The following HSH2D variants were observed in gnomAD, a reference collection of about 807,000 sequenced individuals.
HSH2D encodes hematopoietic SH2 domain-containing protein.
HSH2D carries 16 observed loss-of-function variants against 21.5 expected under a neutral mutation model. That is an observed-to-expected ratio of 0.74 (90% CI 0.50 to 1.13). The LOEUF (loss-of-function observed/expected upper bound fraction) is 1.13. Among genes scored for constraint, HSH2D ranks in the 50% most tolerant of loss-of-function variants. The pLI is 0.00. For synonymous variants in HSH2D, 172 were observed against 184.7 expected, an observed-to-expected ratio of 0.93 and a Z score of 0.56; for missense variants, 418 against 441.4, an observed-to-expected ratio of 0.95 and a Z score of 0.47.
chr19:16,145,037 G>GGTTT (rs1491275262), intron 1 of HSH2D, among the ~76,000 whole-genome samples: 1 of 119,438 alleles, frequency 8.4e-6, no homozygotes. Flanking sequence ...TTTTTTTGGG[G>GGTTT]TTTTTTTTTT....
At chr19:16,150,173 G>T (rs1226611769) in intron 2 of HSH2D, among the ~76,000 whole-genome samples, 2 of 152,198 alleles carry the variant, frequency 1.3e-5, no homozygotes, top group African/African-American at 4.8e-5. Flanking sequence ...TACTTGGAAT[G>T]CTGAGGCGGG....
At chr19:16,143,317 C>T (rs1280184830), upstream of HSH2D, among the ~76,000 whole-genome samples, 1 of 152,168 alleles carries the variant, frequency 6.6e-6, no homozygotes, top group African/African-American at 2.4e-5. Flanking sequence ...CTCCTGACCT[C>T]AAGTGATCCG....
intron 1 of HSH2D, among the ~76,000 whole-genome samples, chr19:16,137,518 A>C (rs2090972023): frequency 6.6e-6 from 1 of 151,628 alleles, no homozygotes; most frequent in South Asian, 2.1e-4. Flanking sequence ...CGGAGGTTGC[A>C]ATGAACCTAG....
intron 5 of HSH2D, among the ~76,000 whole-genome samples, chr19:16,156,702 G>C (rs920999630): frequency 1.3e-5 from 2 of 152,086 alleles, no homozygotes; most frequent in Non-Finnish European, 2.9e-5. Context: ...AAAGAAGTTT[G>C]CCAGGCCAGG....
At chr19:16,138,868 T>C (rs1022557655), upstream of HSH2D, among the ~76,000 whole-genome samples, 1 of 150,626 alleles carries the variant, frequency 6.6e-6, no homozygotes, top group Non-Finnish European at 1.5e-5. Flanking sequence ...AATCTTGCCT[T>C]TTTTTTTTGA....
chr19:16,152,920 G>C, intron 3 of HSH2D, 123 bp from the exon 4 acceptor site: 1 of 1,179,908 alleles, frequency 8.5e-7, no homozygotes, highest in Non-Finnish European at 1.2e-6. Flanking sequence ...AGTGAGTGAA[G>C]AAGCCTGCAT....
chr19:16,137,061 A>G (rs938018906), intron 1 of HSH2D, among the ~76,000 whole-genome samples: 1 of 152,152 alleles, frequency 6.6e-6, no homozygotes, highest in African/African-American at 2.4e-5. Context: ...CATGGCCATG[A>G]GATGACAAAT....
chr19:16,146,190 G>A (rs1045336961), intron 1 of HSH2D, among the ~76,000 whole-genome samples: 1 of 152,008 alleles, frequency 6.6e-6, no homozygotes, highest in Non-Finnish European at 1.5e-5. Context: ...TTTGCAAAAC[G>A]GTGCTGCTTT....
chr19:16,142,290 C>T (rs932477909), upstream of HSH2D, among the ~76,000 whole-genome samples: 2 of 152,126 alleles, frequency 1.3e-5, no homozygotes, highest in South Asian at 2.1e-4. Context: ...TTCTGCACTA[C>T]GCACTCCCCA....
At chr19:16,149,794 T>C (rs150315221) in intron 2 of HSH2D, among the ~76,000 whole-genome samples, 2,413 of 151,758 alleles carry the variant, frequency 0.016, 46 homozygotes, top group Non-Finnish European at 0.02. Flanking sequence ...TTGGCCAGGC[T>C]AGTCTCAAAC....
intron 1 of HSH2D, among the ~76,000 whole-genome samples, chr19:16,136,855 G>A (rs4808458): frequency 0.31 from 47,057 of 152,026 alleles, 7,409 homozygotes; most frequent in Middle Eastern, 0.35. Flanking sequence ...ATAACACCTA[G>A]TCCAACCAAT....
chr19:16,142,389 C>T (rs559087569), upstream of HSH2D, among the ~76,000 whole-genome samples: 4 of 152,340 alleles, frequency 2.6e-5, no homozygotes, highest in South Asian at 2.1e-4. Context: ...GCTGTTCCCA[C>T]TTCCTGTTTC....
Position 16,157,738 on chromosome 19 carries a change from G to A in HSH2D, c.1003G>A (p.Asp335Asn), listed in dbSNP as rs373698635. The stretch of plus-strand genomic sequence containing the variant: ...CCAGGGCTTGGCAGAGCCTGAGAAC[G>A]ACCAGCTCCCGGAGGAGTACCAACA... ...EHQGLAEPEN[D>N]QLPEEYQQPP... is the part of the protein sequence containing the mutation. The change falls in exon 6 of 6, where the codon GAC becomes AAC. Residue 335 changes from aspartate to asparagine, a missense_variant. Physicochemically the swap from Asp to Asn is conservative, Grantham distance 23. Transcript: ENST00000613986. The surrounding 1 kb of genome is among the most constrained non-coding windows in gnomAD (Gnocchi z 4.4). 1.1e-5 allele frequency: 18 copies of A among 1,612,564 alleles called. No homozygotes were observed. Among genetic ancestry groups the A allele is most frequent in the East Asian group, 1.1e-4 (5 of 44,864 alleles).
In HSH2D at chr19:16,152,697, G is replaced by C. The variant is rs771116890; in HGVS notation, c.215+56G>C. On this transcript the variant is annotated intron_variant, in intron 3 of 5. Coordinates refer to ENST00000613986, the MANE Select transcript of HSH2D (RefSeq NM_001382417.1). ...GCAGGTGGGCTCTTGGGTTTCCTTG[G>C]AGGGGGCAAGGGGTGCTTCATGTCA... 18 of 1,301,340 alleles carry C rather than the reference G, an allele frequency of 1.4e-5. No homozygotes were observed. The South Asian group carries it at 2.3e-4, about 17-fold the overall frequency. The allele number at this position is 1,301,340 out of a possible 1,614,324, so 80.6% of individuals were successfully genotyped here.
upstream of HSH2D, among the ~76,000 whole-genome samples, chr19:16,139,551 A>C (rs987471030): frequency 9.2e-5 from 14 of 152,194 alleles, no homozygotes; most frequent in African/African-American, 3.4e-4. Flanking sequence ...AGTGCACTTC[A>C]GCCTGGGCAA....
rs148164089 is a variant in HSH2D, at chr19:16,157,137, G to T, written c.475-73G>T. 1.0e-5 allele frequency: 13 copies of T among 1,288,870 alleles called. No individual in the cohort carries two copies. Among genetic ancestry groups the T allele is most frequent in the Admixed American group, 2.7e-5 (1 of 37,622 alleles). 79.8% of individuals were successfully genotyped at this position (1,288,870 alleles called of 1,614,324 possible). A position where few individuals can be genotyped will look rare whatever the true frequency, so the allele number is the denominator to read the frequency against. ...CACAGGGTGTCTGGGTGGAACCCAG[G>T]CTCCAATTTCTGGGACAGACATGGT... On this transcript the variant is annotated intron_variant, in intron 5 of 5. Transcript: ENST00000613986. This position sits in a 1 kb window ranked among gnomAD's most constrained non-coding sequence, Gnocchi z 4.4.
intron 3 of HSH2D, 181 bp from the exon 4 acceptor site, chr19:16,152,862 G>T (rs1421338517): frequency 2.5e-6 from 2 of 802,656 alleles, no homozygotes; most frequent in African/African-American, 1.7e-5. Context: ...ATAAATGGGG[G>T]AAACTGAGGC....
intron 1 of HSH2D, among the ~76,000 whole-genome samples, chr19:16,135,861 T>C (rs1397588681): frequency 6.8e-6 from 1 of 147,552 alleles, no homozygotes; most frequent in Non-Finnish European, 1.5e-5. Context: ...GGGACTTCTG[T>C]AGTGTGCTTG....
chr19:16,155,210 G>A (rs990535374), intron 5 of HSH2D, among the ~76,000 whole-genome samples: 2 of 152,110 alleles, frequency 1.3e-5, no homozygotes, highest in Non-Finnish European at 1.5e-5. Flanking sequence ...GCCCAGCAGG[G>A]GAAGTTATGA....
Sources: gnomAD v4.1 joint callset for allele counts (sites outside exome capture counted in the v4.1 genomes callset) on GRCh38, gnomAD v4.1.1 for gene constraint, Gnocchi (gnomAD v3.1) non-coding constraint, MANE v1.5 for transcripts, NCBI Gene and HGNC (gene_info 2026-07-23, HGNC 2026-07-21) for gene names.